PTCHD4: variants seen among roughly 807,000 people sequenced by gnomAD.
PTCHD4 encodes the protein patched domain-containing protein 4.
In PTCHD4, 33 loss-of-function variants were observed where a neutral mutation model predicts 58.1. The ratio of observed to expected loss-of-function variants is 0.57; its 90% CI spans 0.43 to 0.76. PTCHD4 has a LOEUF of 0.76. Ranked by LOEUF, PTCHD4 falls within the 30% of genes least tolerant of loss-of-function variation. The pLI, the probability that PTCHD4 is intolerant of heterozygous loss-of-function variation, is 0.00. For missense variants in PTCHD4, 1,058 were observed against 1,027.1 expected (o/e 1.03, Z -0.41); for synonymous variants, 478 against 409.6 (o/e 1.17, Z -2.02).
intron 4 of PTCHD4, among the ~76,000 whole-genome samples, chr6:47,954,943 T>G (rs1009870135): frequency 6.6e-6 from 1 of 152,114 alleles, no homozygotes; most frequent in African/African-American, 2.4e-5. Context: ...TGTGAGGAAG[T>G]TCAAGCCCAT....
rs1304079360 is a variant in PTCHD4 at position 47,862,073 on chromosome 6, A to T, written c.*16230T>A. 6.6e-6 allele frequency among the ~76,000 whole-genome samples: 1 copy of T among 151,916 alleles called. No homozygotes were observed. The highest frequency in any genetic ancestry group is 2.4e-5 in the African/African-American group (1 of 41,426). ...CGAATTTAATACAAAAAGAAAATCT[A>T]TTGGAACATTTGGTAAGAGATATTT... On this transcript the variant is annotated 3_prime_UTR_variant, in exon 5 of 5. Transcript: ENST00000339488.
At chr6:48,034,305 G>A (rs563853418) in intron 3 of PTCHD4, among the ~76,000 whole-genome samples, 1 of 152,212 alleles carries the variant, frequency 6.6e-6, no homozygotes, top group African/African-American at 2.4e-5. Context: ...TTAGGTCTCA[G>A]TGATGGCCCA....
chr6:47,926,407 G>A (rs1765615617), intron 4 of PTCHD4, among the ~76,000 whole-genome samples: 1 of 152,092 alleles, frequency 6.6e-6, no homozygotes, highest in Non-Finnish European at 1.5e-5. Flanking sequence ...AATCCCATAG[G>A]ATGAAAAAGA....
chr6:47,920,730 T>C (rs1399583977), intron 4 of PTCHD4, among the ~76,000 whole-genome samples: 2 of 152,138 alleles, frequency 1.3e-5, no homozygotes, highest in East Asian at 3.9e-4. Flanking sequence ...GACATAAGTC[T>C]GGACAAACAA....
intron 1 of PTCHD4, among the ~76,000 whole-genome samples, chr6:48,076,808 A>C (rs926729363): frequency 6.6e-6 from 1 of 152,210 alleles, no homozygotes; most frequent in Non-Finnish European, 1.5e-5. Context: ...AAAAAAGGTA[A>C]AGTTATGTAC....
intron 4 of PTCHD4, among the ~76,000 whole-genome samples, chr6:47,970,004 T>G (rs1056515064): frequency 6.6e-6 from 1 of 152,146 alleles, no homozygotes; most frequent in African/African-American, 2.4e-5. Flanking sequence ...GAGGTCGCAT[T>G]AGTTCCTAAA....
intron 4 of PTCHD4, 26 bp downstream of exon 4, chr6:48,008,608 C>T (rs779503681): frequency 6.9e-6 from 11 of 1,599,502 alleles, no homozygotes; most frequent in South Asian, 2.2e-5. Context: ...GGTAAGAATC[C>T]GATTACCACA....
rs552341835 is a variant in PTCHD4 at position 47,896,013 on chromosome 6, T to C, written c.899-16077A>G. Among the ~76,000 whole-genome samples, 86 of 152,328 alleles carry C rather than the reference T, an allele frequency of 5.6e-4. 2 individuals are homozygous for C. In the South Asian group the frequency reaches 0.017, roughly 30 times the overall value. The stretch of plus-strand genomic sequence containing the variant: ...ATGCGGATAGTGGGCACTAAACAAA[T>C]ACTTTTGAATCTAGTGCTAAGATGT... On this transcript the variant is annotated intron_variant, in intron 4 of 4. Transcript: ENST00000339488.
At chr6:48,071,657 C>G (rs968731845) in intron 1 of PTCHD4, among the ~76,000 whole-genome samples, 7 of 152,244 alleles carry the variant, frequency 4.6e-5, no homozygotes, top group African/African-American at 1.7e-4. Flanking sequence ...ATTAAAGAAT[C>G]AATATTAATA....
chr6:47,932,066 C>G (rs1322726770), intron 4 of PTCHD4, among the ~76,000 whole-genome samples: 1 of 152,072 alleles, frequency 6.6e-6, no homozygotes, highest in African/African-American at 2.4e-5. Context: ...TGACATTATT[C>G]TCTACACAGG....
rs141002670 is a variant in PTCHD4, at chr6:47,976,655, A to AAAATAAAT, written c.898+31971_898+31978dup. 6.0e-3 allele frequency among the ~76,000 whole-genome samples: 857 copies of AAAATAAAT among 142,600 alleles called. 6 individuals are homozygous for AAAATAAAT. The highest frequency in any genetic ancestry group is 8.9e-3 in the South Asian group (39 of 4,388). The allele number at this position is 142,600 out of a possible 152,430, so 93.6% of individuals were successfully genotyped here. ...GGCCACAAGAGCGGGACTCCATATC[A>AAAATAAAT]AAATAAATAAATAAATAAATAAATA... On this transcript the variant is annotated intron_variant, in intron 4 of 4. Coordinates refer to ENST00000339488, the MANE Select transcript of PTCHD4 (RefSeq NM_001384253.1).
chr6:47,969,167 T>TA (rs1281275727), intron 4 of PTCHD4, among the ~76,000 whole-genome samples: 1 of 152,176 alleles, frequency 6.6e-6, no homozygotes, highest in East Asian at 1.9e-4. Flanking sequence ...ACAAAATTTT[T>TA]AAAAAATGGA....
In PTCHD4 at chr6:48,054,866, A is replaced by G. The variant is rs531538147; in HGVS notation, c.417+13364T>C. ...TTCCTAATCTTCCAATGATGTTAGGATTCTGAGTTTATATTAATATAAACT... is the reference window on the plus strand; with the variant it reads ...TTCCTAATCTTCCAATGATGTTAGGGTTCTGAGTTTATATTAATATAAACT... On this transcript the variant is annotated intron_variant, in intron 3 of 4. Coordinates refer to ENST00000339488, the MANE Select transcript of PTCHD4 (RefSeq NM_001384253.1). Among the ~76,000 whole-genome samples, 18 of 152,298 alleles carry G rather than the reference A, an allele frequency of 1.2e-4. 1 individual carries two copies. Among genetic ancestry groups the G allele is most frequent in the Admixed American group, 9.8e-4 (15 of 15,306 alleles).
At chr6:48,054,281 A>G (rs150763823) in intron 3 of PTCHD4, among the ~76,000 whole-genome samples, 23 of 152,290 alleles carry the variant, frequency 1.5e-4, no homozygotes, top group Non-Finnish European at 2.5e-4. Context: ...TTAATCTTGG[A>G]TATAGTCCTT....
rs1022356586 is a variant in PTCHD4, at chr6:47,929,548, A to T, written c.899-49612T>A. Among the ~76,000 whole-genome samples, 8 of 152,218 alleles carry T rather than the reference A, an allele frequency of 5.3e-5. No homozygotes were observed. The South Asian group carries it at 1.7e-3, about 32-fold the overall frequency. On this transcript the variant is annotated intron_variant, in intron 4 of 4. Coordinates refer to ENST00000339488, the MANE Select transcript of PTCHD4 (RefSeq NM_001384253.1). The stretch of plus-strand genomic sequence containing the variant: ...CCTTTCATCTTGCAGTAGGTAAAAA[A>T]GTTGTACATTCTAACAAATCACCAT...
intron 4 of PTCHD4, among the ~76,000 whole-genome samples, chr6:47,891,178 T>C (rs1017445989): frequency 1.4e-5 from 2 of 140,314 alleles, no homozygotes; most frequent in Non-Finnish European, 3.0e-5. Flanking sequence ...GCTGAAACCA[T>C]GCCACTGCAC....
intron 4 of PTCHD4, among the ~76,000 whole-genome samples, chr6:47,909,066 C>T (rs1171708567): frequency 6.6e-6 from 1 of 152,042 alleles, no homozygotes; most frequent in Non-Finnish European, 1.5e-5. Flanking sequence ...AAAATTAAAA[C>T]CACAAATTAT....
At chr6:47,924,255 T>C (rs1765525270) in intron 4 of PTCHD4, among the ~76,000 whole-genome samples, 1 of 152,054 alleles carries the variant, frequency 6.6e-6, no homozygotes, top group South Asian at 2.1e-4. Context: ...CCAGTGTAAC[T>C]GAGTCATGAC....
intron 4 of PTCHD4, among the ~76,000 whole-genome samples, chr6:47,969,216 T>C (rs181134780): frequency 3.9e-5 from 6 of 152,328 alleles, no homozygotes; most frequent in Admixed American, 2.6e-4. Context: ...CTTCAGGATT[T>C]CAGCAGTACA....
Sources: gnomAD v4.1 joint callset for allele counts (sites outside exome capture counted in the v4.1 genomes callset) on GRCh38, gnomAD v4.1.1 for gene constraint, MANE v1.5 for transcripts, NCBI Gene and HGNC (gene_info 2026-07-23, HGNC 2026-07-21) for gene names.